ARL15: variants seen among roughly 807,000 people sequenced by gnomAD.
The protein encoded by ARL15 is ARF like GTPase 15.
Under a neutral mutation model 25.2 loss-of-function variants are expected in ARL15, and 19 were observed. The ratio of observed to expected loss-of-function variants is 0.75; its 90% CI spans 0.53 to 1.10. The LOEUF (loss-of-function observed/expected upper bound fraction) is 1.10, where lower values mean the gene tolerates loss of function less well. Among genes scored for constraint, ARL15 ranks in the 50% least tolerant of loss-of-function variants. The probability of loss-of-function intolerance (pLI) is 0.00; values close to 1 mark genes in which losing one functional copy is unlikely to be tolerated. For missense variants in ARL15, 220 were observed against 246.0 expected (o/e 0.89, Z 0.71); for synonymous variants, 94 against 86.8 (o/e 1.08, Z -0.46).
intron 1 of ARL15, among the ~76,000 whole-genome samples, chr5:54,283,638 C>A (rs1018749955): frequency 3.9e-5 from 6 of 152,342 alleles, no homozygotes; most frequent in African/African-American, 1.4e-4. Context: ...TTGCCTTGTC[C>A]AAGATCATTC....
chr5:54,208,551 C>T (rs1755940508), intron 1 of ARL15, among the ~76,000 whole-genome samples: 2 of 152,096 alleles, frequency 1.3e-5, no homozygotes, highest in African/African-American at 2.4e-5. Flanking sequence ...AGGATCAAAA[C>T]AATGATGCTG....
rs1341992865 is a variant in ARL15, at chr5:54,185,035, A to G, written c.49-13107T>C. Among the ~76,000 whole-genome samples the G allele has an allele frequency of 2.0e-5, 3 of 152,052 alleles. No individual in the cohort carries two copies. In the East Asian group the frequency reaches 5.8e-4, roughly 29 times the overall value. On this transcript the variant is annotated intron_variant, in intron 1 of 4. Transcript: ENST00000504924. ...GGCAGACAAGGAGCTTTATGATCTGACCTTTGCCTTCATTTCTGGCATCCA... is the reference window on the plus strand; with the variant it reads ...GGCAGACAAGGAGCTTTATGATCTGGCCTTTGCCTTCATTTCTGGCATCCA...
rs188717624 is a variant in ARL15 at position 54,154,730 on chromosome 5, T to C, written c.194-91A>G. The C allele has an allele frequency of 5.6e-4, 403 of 725,722 alleles. 3 individuals carry two copies. In the East Asian group the frequency reaches 0.012, roughly 22 times the overall value. 45.0% of individuals were successfully genotyped at this position (725,722 alleles called of 1,614,324 possible). A position where few individuals can be genotyped will look rare whatever the true frequency, so the allele number is the denominator to read the frequency against. ...CTCAAATTGTCTCTTTTTAGGCTGG[T>C]TAAGATTTATTTACTTTTTGTAGCT... On this transcript the variant is annotated intron_variant, in intron 2 of 4. Coordinates refer to ENST00000504924, the MANE Select transcript of ARL15 (RefSeq NM_019087.3).
intron 4 of ARL15, among the ~76,000 whole-genome samples, chr5:53,977,244 C>T (rs1747962798): frequency 6.6e-6 from 1 of 151,646 alleles, no homozygotes; most frequent in Admixed American, 6.6e-5. Context: ...GTAGTCCCAG[C>T]TACTCGGAGG....
chr5:54,135,220 T>C (rs995423860), intron 3 of ARL15, among the ~76,000 whole-genome samples: 2 of 152,186 alleles, frequency 1.3e-5, no homozygotes, highest in African/African-American at 4.8e-5. Context: ...CTGGATGTTT[T>C]GACAGCTTAT....
intron 4 of ARL15, among the ~76,000 whole-genome samples, chr5:54,108,772 A>G (rs1204643994): frequency 1.3e-5 from 2 of 152,022 alleles, no homozygotes; most frequent in East Asian, 3.8e-4. Flanking sequence ...GAAAGGAAAA[A>G]AAGTACACAA....
In ARL15 at chr5:54,222,913, G is replaced by A. The variant is rs537858216; in HGVS notation, c.49-50985C>T. On this transcript the variant is annotated intron_variant, in intron 1 of 4. Coordinates refer to ENST00000504924, the MANE Select transcript of ARL15 (RefSeq NM_019087.3). ...CGGCTGACTGCAACCTCCGCCTCCC[G>A]GGTTCTAGTGATTCTTCTGCCTCAG... is the stretch of plus-strand genomic sequence containing the variant. 7.9e-5 allele frequency among the ~76,000 whole-genome samples: 12 copies of A among 151,788 alleles called. No individual in the cohort carries two copies. The East Asian group carries it at 1.2e-3, about 15-fold the overall frequency.
intron 1 of ARL15, among the ~76,000 whole-genome samples, chr5:54,280,711 A>C (rs1436057185): frequency 6.6e-6 from 1 of 152,258 alleles, no homozygotes; most frequent in Non-Finnish European, 1.5e-5. Flanking sequence ...TGTACGAAGC[A>C]GATGAGTAAA....
At chr5:54,164,890 T>C (rs1408762126) in intron 2 of ARL15, among the ~76,000 whole-genome samples, 1 of 151,996 alleles carries the variant, frequency 6.6e-6, no homozygotes, top group Non-Finnish European at 1.5e-5. Context: ...GGTTTGACTG[T>C]ATCACCTTTC....
chr5:53,892,414 G>T (rs958649201), intron 4 of ARL15, among the ~76,000 whole-genome samples: 1 of 152,134 alleles, frequency 6.6e-6, no homozygotes, highest in Non-Finnish European at 1.5e-5. Flanking sequence ...ACAGGGAGAA[G>T]GGCAAGCTGG....
intron 4 of ARL15, among the ~76,000 whole-genome samples, chr5:53,988,722 A>C (rs146083399): frequency 2.0e-3 from 309 of 152,316 alleles, no homozygotes; most frequent in Non-Finnish European, 3.0e-3. Flanking sequence ...GGTCAGTTGA[A>C]GAAGATAAGC....
At chr5:54,247,818 G>A (rs1387826629) in intron 1 of ARL15, among the ~76,000 whole-genome samples, 1 of 151,856 alleles carries the variant, frequency 6.6e-6, no homozygotes, top group Non-Finnish European at 1.5e-5. Context: ...AGGTTGGGCA[G>A]TTATAAAAAT....
chr5:53,922,827 A>G (rs1561150826), intron 4 of ARL15, among the ~76,000 whole-genome samples: 2 of 136,270 alleles, frequency 1.5e-5, no homozygotes, highest in African/African-American at 5.5e-5. Context: ...CTGAACCAGA[A>G]ACACAAGAGA....
At chr5:54,034,946 G>C (rs1445527957) in intron 4 of ARL15, among the ~76,000 whole-genome samples, 2 of 151,858 alleles carry the variant, frequency 1.3e-5, no homozygotes, top group Non-Finnish European at 2.9e-5. Context: ...TGGGATTACA[G>C]GTGTGAGCCA....
chr5:54,138,689 TA>T (rs1753677046), intron 3 of ARL15, among the ~76,000 whole-genome samples: 1 of 151,886 alleles, frequency 6.6e-6, no homozygotes, highest in Admixed American at 6.6e-5. Context: ...CTAATTAAAC[TA>T]AAAAGCTTCT....
chr5:53,907,417 T>C (rs1199580606), intron 4 of ARL15, among the ~76,000 whole-genome samples: 1 of 132,372 alleles, frequency 7.6e-6, no homozygotes, highest in African/African-American at 2.9e-5. Context: ...CTAGAGGGAA[T>C]GGGCATGGAG....
At chr5:54,198,419 CCTT>C (rs933161294) in intron 1 of ARL15, among the ~76,000 whole-genome samples, 39 of 152,036 alleles carry the variant, frequency 2.6e-4, no homozygotes, top group African/African-American at 9.4e-4. Flanking sequence ...CCCAAAATCT[CCTT>C]AAGCTGATAA....
At chr5:54,033,332 C>T (rs1750056542) in intron 4 of ARL15, among the ~76,000 whole-genome samples, 1 of 151,732 alleles carries the variant, frequency 6.6e-6, no homozygotes, top group East Asian at 2.0e-4. Context: ...ACTGTACAGA[C>T]TGTACCAGAT....
intron 4 of ARL15, among the ~76,000 whole-genome samples, chr5:54,088,400 A>T (rs1206303723): frequency 6.6e-6 from 1 of 152,226 alleles, no homozygotes; most frequent in African/African-American, 2.4e-5. Flanking sequence ...TAAACAGAAC[A>T]AAGACACATA....
Sources: allele counts gnomAD v4.1 joint callset (sites outside exome capture counted in the v4.1 genomes callset), GRCh38; gene constraint gnomAD v4.1.1; transcripts MANE v1.5; gene names NCBI Gene and HGNC (gene_info 2026-07-23, HGNC 2026-07-21).